GAS6: variants seen among roughly 807,000 people sequenced by gnomAD.
The protein encoded by GAS6 is growth arrest-specific protein 6.
A neutral mutation model predicts 75.8 loss-of-function variants in GAS6; 41 were observed. That is an observed-to-expected ratio of 0.54 (90% confidence interval 0.42 to 0.70). The LOEUF (loss-of-function observed/expected upper bound fraction) is 0.70. Among genes scored for constraint, GAS6 ranks in the 30% least tolerant of loss-of-function variants. The pLI is 0.00. For synonymous variants in GAS6, 432 were observed against 412.6 expected (o/e 1.05, Z -0.57); for missense variants, 854 against 940.2 (o/e 0.91, Z 1.20).
chr13:113,820,655 TGCGCCGGCCTCCCC>T lies in GAS6; in HGVS notation c.*195_*208del. 1.7e-6 allele frequency: 1 copy of T among 574,308 alleles called. No homozygotes were observed. The highest frequency in any genetic ancestry group is 3.1e-6 in the Non-Finnish European group (1 of 324,514). The allele number at this position is 574,308 out of a possible 1,614,324, so 35.6% of individuals were successfully genotyped here. A position where few individuals can be genotyped will look rare whatever the true frequency, so the allele number is the denominator to read the frequency against. On this transcript the variant is annotated 3_prime_UTR_variant, in exon 15 of 15. Coordinates refer to ENST00000327773, the MANE Select transcript of GAS6 (RefSeq NM_000820.4). Reference sequence around the variant, plus strand: ...TATTTTCTTCGAGCCCGCTCTGCGCTGCGCCGGCCTCCCCGCGCCCGGGCCCACGGCTGAGTGCG... The same window carrying T: ...TATTTTCTTCGAGCCCGCTCTGCGCTGCGCCCGGGCCCACGGCTGAGTGCG...
intron 2 of GAS6, among the ~76,000 whole-genome samples, chr13:113,861,805 C>G (rs938731254): frequency 2.0e-5 from 3 of 152,172 alleles, no homozygotes; most frequent in African/African-American, 7.2e-5. Context: ...ATCCAAAAAC[C>G]AGAGGGAAAG....
At chr13:113,861,613 C>T (rs1327603405) in intron 2 of GAS6, among the ~76,000 whole-genome samples, 1 of 152,140 alleles carries the variant, frequency 6.6e-6, no homozygotes, top group African/African-American at 2.4e-5. Context: ...AAGAGTGTGG[C>T]AGAGGATGCA....
intron 7 of GAS6, 37 bp from the exon 8 acceptor site, chr13:113,834,709 G>A (rs1321726116): frequency 2.8e-6 from 4 of 1,446,936 alleles, no homozygotes; most frequent in Non-Finnish European, 3.7e-6. Context: ...AGCCGGGGAG[G>A]CCTCTACGCT....
In GAS6 at chr13:113,820,849, G is replaced by T. The variant is rs767619005; in HGVS notation, c.*15C>A. On this transcript the variant is annotated 3_prime_UTR_variant, in exon 15 of 15. Coordinates refer to ENST00000327773, the MANE Select transcript of GAS6 (RefSeq NM_000820.4). Reference sequence around the variant, plus strand: ...TCGGACAGAGACTGAGAAGCCTGCCGCGTCCCGTGGGGGCCTAGGCTGCGG... The same window carrying T: ...TCGGACAGAGACTGAGAAGCCTGCCTCGTCCCGTGGGGGCCTAGGCTGCGG... 3 of 1,606,238 alleles carry T rather than the reference G, an allele frequency of 1.9e-6. No individual in the cohort carries two copies. The highest frequency in any genetic ancestry group is 3.3e-5 in the Admixed American group (2 of 59,916).
At chr13:113,849,129 G>A (rs1482233286) in intron 2 of GAS6, among the ~76,000 whole-genome samples, 2 of 152,204 alleles carry the variant, frequency 1.3e-5, no homozygotes, top group African/African-American at 4.8e-5. Flanking sequence ...CCCTCCTGAG[G>A]CCTGCTTGGA....
chr13:113,853,116 A>G (rs2051888991), intron 2 of GAS6, among the ~76,000 whole-genome samples: 1 of 152,238 alleles, frequency 6.6e-6, no homozygotes, highest in Non-Finnish European at 1.5e-5. Flanking sequence ...AAAATGGCCA[A>G]AACCTCCATG....
chr13:113,842,594 G>A lies in GAS6; in HGVS notation c.344-2744C>T, dbSNP rs552267186. 9.1e-5 allele frequency: 36 copies of A among 396,922 alleles called. 1 individual carries two copies. Among genetic ancestry groups the A allele is most frequent in the Admixed American group, 4.0e-4 (9 of 22,678 alleles). The allele number at this position is 396,922 out of a possible 1,614,324, so 24.6% of individuals were successfully genotyped here. The stretch of plus-strand genomic sequence containing the variant: ...GGCCTGAACTAGAGAAATGAGGGGC[G>A]TATCCGCTTCTCCACCCTGGCCTCA... On this transcript the variant is annotated intron_variant, in intron 4 of 14. Coordinates refer to ENST00000327773, the MANE Select transcript of GAS6 (RefSeq NM_000820.4).
At position 113,832,582 on chromosome 13, in the gene GAS6, C is replaced by T. The variant is rs558548139; in HGVS notation, c.953+52G>A. ...GAACCCTGGCCCGGGCCCTGTGAAG[C>T]CAGTGTCTTGGCCATTCTAAGTTGT... On this transcript the variant is annotated intron_variant, in intron 9 of 14. Coordinates refer to ENST00000327773, the MANE Select transcript of GAS6 (RefSeq NM_000820.4). The T allele has an allele frequency of 8.7e-6, 14 of 1,607,558 alleles. No individual in the cohort carries two copies. The Admixed American group carries it at 1.2e-4, about 13-fold the overall frequency.
At chr13:113,827,457 A>G (rs1363842689) in intron 11 of GAS6, among the ~76,000 whole-genome samples, 1 of 152,250 alleles carries the variant, frequency 6.6e-6, no homozygotes, top group Non-Finnish European at 1.5e-5. Context: ...GGATTGTTCA[A>G]CCATCCAACA....
intron 13 of GAS6, 138 bp downstream of exon 13, chr13:113,823,237 C>T: frequency 1.0e-6 from 1 of 974,416 alleles, no homozygotes; most frequent in Non-Finnish European, 1.5e-6. Flanking sequence ...CCGGGCTTGG[C>T]TCATCAGACC....
In GAS6 at chr13:113,848,183, A is replaced by AG. The variant is rs2051848666; in HGVS notation, c.256-134dup. The AG allele has an allele frequency of 1.7e-5, 15 of 891,928 alleles. No individual in the cohort carries two copies. The South Asian group carries it at 2.3e-4, about 13-fold the overall frequency. The allele number at this position is 891,928 out of a possible 1,614,324, so 55.3% of individuals were successfully genotyped here. On this transcript the variant is annotated intron_variant, in intron 2 of 14. Transcript: ENST00000327773. This position sits in a 1 kb window ranked among gnomAD's most constrained non-coding sequence, Gnocchi z 4.8. ...GAGGGCCGCCCCACCCGGGGAACTG[A>AG]GGGGAAGTGACCGGGGCACGACTGC...
chr13:113,828,714 G>T lies in GAS6; in HGVS notation c.1144-3C>A, dbSNP rs944315569. On this transcript the variant is annotated splice_polypyrimidine_tract_variant and splice_region_variant and intron_variant, in intron 10 of 14. Transcript: ENST00000327773. ...CGCGCCAGCTCCTCAACAGAGATCT[G>T]AAGAGAGGCAGCGCCATGAGAAAAG... The T allele has an allele frequency of 6.2e-7, 1 of 1,612,582 alleles. No individual in the cohort carries two copies. The highest frequency in any genetic ancestry group is 1.7e-5 in the Admixed American group (1 of 59,968).
intron 7 of GAS6, 41 bp from the exon 8 acceptor site, chr13:113,834,713 C>T (rs1220204180): frequency 5.2e-5 from 75 of 1,436,696 alleles, no homozygotes; most frequent in Non-Finnish European, 6.3e-5. Flanking sequence ...GGGGAGGCCT[C>T]TACGCTGTCC....
intron 2 of GAS6, among the ~76,000 whole-genome samples, chr13:113,851,452 T>C (rs1329271778): frequency 6.6e-6 from 1 of 150,392 alleles, no homozygotes; most frequent in African/African-American, 2.5e-5. Context: ...AATGAATGAA[T>C]GGGTGAATGA....
intron 2 of GAS6, among the ~76,000 whole-genome samples, chr13:113,860,381 A>C (rs764077981): frequency 1.3e-5 from 2 of 152,206 alleles, no homozygotes; most frequent in African/African-American, 2.4e-5. Context: ...CCGGGGATCA[A>C]AGTGCACAAA....
intron 5 of GAS6, 31 bp from the exon 6 acceptor site, chr13:113,838,222 C>G (rs1195659599): frequency 1.2e-6 from 2 of 1,610,600 alleles, no homozygotes; most frequent in South Asian, 1.1e-5. Flanking sequence ...GAAGGGGAGC[C>G]CAAGGGTGCA....
At chr13:113,852,536 GT>G (rs1324594403) in intron 2 of GAS6, among the ~76,000 whole-genome samples, 1 of 152,216 alleles carries the variant, frequency 6.6e-6, no homozygotes, top group Non-Finnish European at 1.5e-5. Context: ...TACAGAAAGT[GT>G]CTGATGAGTA....
intron 11 of GAS6, 63 bp downstream of exon 11, chr13:113,828,484 C>T: frequency 6.5e-7 from 1 of 1,544,184 alleles, no homozygotes; most frequent in Non-Finnish European, 8.8e-7. Context: ...CTGAGGCTTC[C>T]TGACACCGTT....
At chr13:113,832,890 ACC>A in intron 8 of GAS6, 138 bp from the exon 9 acceptor site, 6 of 1,539,616 alleles carry the variant, frequency 3.9e-6, no homozygotes, top group Non-Finnish European at 5.2e-6. Flanking sequence ...AGCTGCTGAG[ACC>A]CCAGAGGCTG....
Sources: gnomAD v4.1 joint callset for allele counts (sites outside exome capture counted in the v4.1 genomes callset) on GRCh38, gnomAD v4.1.1 for gene constraint, Gnocchi (gnomAD v3.1) non-coding constraint, MANE v1.5 for transcripts, NCBI Gene and HGNC (gene_info 2026-07-23, HGNC 2026-07-21) for gene names.